DIS3L2: variants seen among roughly 807,000 people sequenced by gnomAD.
DIS3L2 encodes DIS3 like 3'-5' exoribonuclease 2.
In DIS3L2, 34 loss-of-function variants were observed where a neutral mutation model predicts 97.5. The ratio of observed to expected loss-of-function variants is 0.35; its 90% CI spans 0.27 to 0.46. The LOEUF (loss-of-function observed/expected upper bound fraction) is 0.46, where lower values mean the gene tolerates loss of function less well. Ranked by LOEUF, DIS3L2 falls within the 20% of genes least tolerant of loss-of-function variation. The pLI is 1.00. For synonymous variants in DIS3L2, 435 were observed against 445.2 expected (o/e 0.98, Z 0.29); for missense variants, 1,038 against 1,146.0 (o/e 0.91, Z 1.36).
At chr2:232,191,963 G>C (rs1049239483) in intron 9 of DIS3L2, among the ~76,000 whole-genome samples, 1 of 152,124 alleles carries the variant, frequency 6.6e-6, no homozygotes, top group African/African-American at 2.4e-5. Flanking sequence ...TGGGCACATA[G>C]TAGGCACTCA....
intron 6 of DIS3L2, among the ~76,000 whole-genome samples, chr2:232,115,871 C>T (rs542215650): frequency 2.6e-5 from 4 of 152,166 alleles, no homozygotes; most frequent in Non-Finnish European, 5.9e-5. Context: ...AGTGTGAAAA[C>T]GGACTAATAC....
Position 232,269,427 on chromosome 2 carries a change from G to C in DIS3L2, c.1659+5987G>C, listed in dbSNP as rs1199980708. 2.0e-5 allele frequency among the ~76,000 whole-genome samples: 3 copies of C among 152,098 alleles called. No homozygotes were observed. Among genetic ancestry groups the C allele is most frequent in the Non-Finnish European group, 4.4e-5 (3 of 68,020 alleles). On this transcript the variant is annotated intron_variant, in intron 13 of 20. Transcript: ENST00000325385. This position sits in a 1 kb window ranked among gnomAD's most constrained non-coding sequence, Gnocchi z 4.5. Reference sequence around the variant, plus strand: ...CACACGAGGAAGCTATTGATCACAGGGTTGAGTATATTTGTAGAATCATTC... The same window carrying C: ...CACACGAGGAAGCTATTGATCACAGCGTTGAGTATATTTGTAGAATCATTC...
intron 1 of DIS3L2, among the ~76,000 whole-genome samples, chr2:231,974,028 T>C (rs1228991991): frequency 2.6e-5 from 4 of 152,128 alleles, no homozygotes; most frequent in Non-Finnish European, 4.4e-5. Context: ...GCTTCCCATG[T>C]TCCTAATACA....
intron 10 of DIS3L2, among the ~76,000 whole-genome samples, chr2:232,224,624 A>T (rs924455086): frequency 9.2e-5 from 14 of 152,074 alleles, no homozygotes; most frequent in Non-Finnish European, 2.1e-4. Context: ...GGATCCCTTG[A>T]GGTTAGGAGT....
At chr2:232,239,518 C>T (rs891257666) in intron 11 of DIS3L2, among the ~76,000 whole-genome samples, 5 of 152,204 alleles carry the variant, frequency 3.3e-5, no homozygotes, top group African/African-American at 1.2e-4. Context: ...TCGGCCATAT[C>T]TGGACTTCCA....
chr2:232,002,356 T>C (rs1693932714), intron 1 of DIS3L2, among the ~76,000 whole-genome samples: 1 of 152,220 alleles, frequency 6.6e-6, no homozygotes, highest in African/African-American at 2.4e-5. Flanking sequence ...TTGGGGTCTT[T>C]TGTGATTCTA....
chr2:232,101,015 C>G lies in DIS3L2; in HGVS notation c.601+13294C>G, dbSNP rs560671899. Among the ~76,000 whole-genome samples the G allele has an allele frequency of 1.5e-3, 224 of 152,052 alleles. 3 individuals carry two copies. Among genetic ancestry groups the G allele is most frequent in the African/African-American group, 5.3e-3 (220 of 41,472 alleles). ...CTTTGGGAGGCCGAGGTGGGCGGAT[C>G]AGTTGAGGTCAGGAGTTTGAGACCA... On this transcript the variant is annotated intron_variant, in intron 6 of 20. Coordinates refer to ENST00000325385, the MANE Select transcript of DIS3L2 (RefSeq NM_152383.5).
At chr2:232,116,718 C>T (rs568134403) in intron 6 of DIS3L2, among the ~76,000 whole-genome samples, 63 of 152,258 alleles carry the variant, frequency 4.1e-4, no homozygotes, top group African/African-American at 1.4e-3. Flanking sequence ...GACAGCTGCC[C>T]TACTCTGGCT....
chr2:232,044,397 A>G (rs1377607541), intron 5 of DIS3L2, among the ~76,000 whole-genome samples: 1 of 152,140 alleles, frequency 6.6e-6, no homozygotes, highest in East Asian at 1.9e-4. Context: ...AATAAGCTAG[A>G]ACATGGTGAC....
At chr2:232,328,461 C>T (rs1355850244) in intron 14 of DIS3L2, 1 of 152,166 alleles carries the variant, frequency 6.6e-6, no homozygotes, top group African/African-American at 2.4e-5. Context: ...GGCAGGCCCA[C>T]CCTGGGTGGA....
At chr2:231,990,162 G>A (rs1312284886) in intron 1 of DIS3L2, among the ~76,000 whole-genome samples, 1 of 150,710 alleles carries the variant, frequency 6.6e-6, no homozygotes, top group Non-Finnish European at 1.5e-5. Flanking sequence ...ACCTTCCCAT[G>A]CTTCTTTAGG....
chr2:232,167,396 T>C (rs919386124), intron 9 of DIS3L2, among the ~76,000 whole-genome samples: 2 of 152,194 alleles, frequency 1.3e-5, no homozygotes, highest in African/African-American at 4.8e-5. Context: ...TTACTTTTGG[T>C]GAAAGCAGTA....
chr2:232,166,115 T>TAAAA (rs1553612625), intron 9 of DIS3L2, among the ~76,000 whole-genome samples: 41 of 141,318 alleles, frequency 2.9e-4, no homozygotes, highest in South Asian at 4.7e-4. Flanking sequence ...AATAAATAAA[T>TAAAA]AAAATATTAG....
chr2:232,220,930 C>A (rs1165168420), intron 10 of DIS3L2, among the ~76,000 whole-genome samples: 1 of 151,516 alleles, frequency 6.6e-6, no homozygotes, highest in Non-Finnish European at 1.5e-5. Flanking sequence ...TGGAGAAACC[C>A]CGTCTCTACT....
intron 6 of DIS3L2, among the ~76,000 whole-genome samples, chr2:232,109,522 G>T (rs1176434760): frequency 6.6e-6 from 1 of 152,070 alleles, no homozygotes; most frequent in Non-Finnish European, 1.5e-5. Context: ...GCATGGTATT[G>T]GTACAAGACA....
intron 6 of DIS3L2, among the ~76,000 whole-genome samples, chr2:232,122,822 A>G (rs2106342924): frequency 6.6e-6 from 1 of 152,346 alleles, no homozygotes; most frequent in East Asian, 1.9e-4. Context: ...CCAGGACACT[A>G]CATGTAAACA....
intron 1 of DIS3L2, among the ~76,000 whole-genome samples, chr2:231,986,575 A>C (rs969485422): frequency 2.0e-5 from 3 of 152,124 alleles, no homozygotes; most frequent in African/African-American, 7.2e-5. Context: ...GTCTTCTGTG[A>C]CATTGGCATT....
chr2:232,000,552 A>G (rs535290989), intron 1 of DIS3L2, among the ~76,000 whole-genome samples: 1 of 151,632 alleles, frequency 6.6e-6, no homozygotes, highest in African/African-American at 2.4e-5. Context: ...ACTTAGCCTA[A>G]TGTCCTCTAG....
chr2:232,284,690 T>A (rs1390446973), intron 13 of DIS3L2, among the ~76,000 whole-genome samples: 1 of 152,140 alleles, frequency 6.6e-6, no homozygotes, highest in Non-Finnish European at 1.5e-5. Context: ...TCTGTTTTTT[T>A]CCCCATCACC....
Sources: allele counts gnomAD v4.1 joint callset (sites outside exome capture counted in the v4.1 genomes callset), GRCh38; gene constraint gnomAD v4.1.1; non-coding constraint Gnocchi (gnomAD v3.1); transcripts MANE v1.5; gene names NCBI Gene and HGNC (gene_info 2026-07-23, HGNC 2026-07-21).